HSDL2: variants seen among roughly 807,000 people sequenced by gnomAD.
HSDL2 encodes hydroxysteroid dehydrogenase like 2.
In HSDL2, 27 loss-of-function variants were observed where a neutral mutation model predicts 46.3. That is an observed-to-expected ratio of 0.58 (90% CI 0.43 to 0.80). HSDL2 has a LOEUF of 0.80. Among genes scored for constraint, HSDL2 ranks in the 30% least tolerant of loss-of-function variants. HSDL2 has a pLI of 0.00. For synonymous variants in HSDL2, 153 were observed against 163.6 expected (o/e 0.94, Z 0.50); for missense variants, 451 against 502.7 (o/e 0.90, Z 0.98).
At chr9:112,398,478 T>C (rs557814717) in intron 1 of HSDL2, among the ~76,000 whole-genome samples, 39 of 151,886 alleles carry the variant, frequency 2.6e-4, no homozygotes, top group African/African-American at 9.2e-4. Flanking sequence ...AATAAGATCA[T>C]TGGGGGTGAC....
At chr9:112,396,961 G>A (rs79310612) in intron 1 of HSDL2, among the ~76,000 whole-genome samples, 1,992 of 152,246 alleles carry the variant, frequency 0.013, 72 homozygotes, top group East Asian at 0.1. Flanking sequence ...TGGGGCCTGA[G>A]ACTGGCCCCG....
At chr9:112,420,447 G>T (rs1587944747) in intron 6 of HSDL2, among the ~76,000 whole-genome samples, 1 of 149,074 alleles carries the variant, frequency 6.7e-6, no homozygotes, top group East Asian at 1.9e-4. Flanking sequence ...GAGATTGGAT[G>T]GGAGGATTAC....
At chr9:112,396,414 G>C (rs905022524) in intron 1 of HSDL2, among the ~76,000 whole-genome samples, 1 of 152,078 alleles carries the variant, frequency 6.6e-6, no homozygotes, top group Non-Finnish European at 1.5e-5. Context: ...GGTGCAGGTG[G>C]GCTGTTGTTT....
At chr9:112,380,428 G>A (rs1831057440) in intron 1 of HSDL2, among the ~76,000 whole-genome samples, 2 of 152,108 alleles carry the variant, frequency 1.3e-5, no homozygotes, top group African/African-American at 4.8e-5. Context: ...ACGGGTAAAG[G>A]GCCGAGGGGG....
At chr9:112,384,926 A>G (rs139715771) in intron 1 of HSDL2, among the ~76,000 whole-genome samples, 68 of 152,126 alleles carry the variant, frequency 4.5e-4, no homozygotes, top group Middle Eastern at 3.4e-3. Context: ...CTTACTAAAT[A>G]CAAGCATTGG....
intron 4 of HSDL2, 91 bp downstream of exon 4, chr9:112,409,112 G>C: frequency 1.4e-6 from 1 of 696,988 alleles, no homozygotes; most frequent in Non-Finnish European, 2.5e-6. Context: ...CAAATTAACA[G>C]TGTAGTTCAA....
intron 6 of HSDL2, 137 bp downstream of exon 6, chr9:112,419,095 G>A: frequency 2.3e-5 from 10 of 427,658 alleles, no homozygotes; most frequent in Non-Finnish European, 4.5e-5. Flanking sequence ...TGCAACCTCT[G>A]CCTCCTGGGT....
intron 9 of HSDL2, 32 bp from the exon 10 acceptor site, chr9:112,459,417 T>A (rs767002128): frequency 6.8e-6 from 11 of 1,607,734 alleles, no homozygotes; most frequent in Non-Finnish European, 9.4e-6. Context: ...AGGGCTTCTA[T>A]GACATTGATT....
At chr9:112,455,176 T>C (rs1001968290) in intron 9 of HSDL2, among the ~76,000 whole-genome samples, 3 of 151,946 alleles carry the variant, frequency 2.0e-5, no homozygotes, top group Admixed American at 6.6e-5. Context: ...AAGACTGTAG[T>C]ACACTGCGAT....
rs190883104 is a variant in HSDL2 at position 112,424,486 on chromosome 9, A to T, written c.598+5528A>T. Among the ~76,000 whole-genome samples the T allele has an allele frequency of 8.4e-4, 128 of 152,202 alleles. 1 individual carries two copies. Among genetic ancestry groups the T allele is most frequent in the South Asian group, 4.6e-3 (22 of 4,824 alleles). On this transcript the variant is annotated intron_variant, in intron 6 of 10. Coordinates refer to ENST00000398805, the MANE Select transcript of HSDL2 (RefSeq NM_032303.5). ...TGCAGGTAATAATATAATCTATAAT[A>T]ATATTCCAATTCTTACATCCTTGGT...
chr9:112,414,262 G>A (rs1419073836), intron 4 of HSDL2, among the ~76,000 whole-genome samples: 1 of 152,166 alleles, frequency 6.6e-6, no homozygotes, highest in Non-Finnish European at 1.5e-5. Context: ...ATTAGACAGG[G>A]AGGAAAGTCT....
At chr9:112,457,775 T>G (rs1298251517) in intron 9 of HSDL2, among the ~76,000 whole-genome samples, 1 of 152,190 alleles carries the variant, frequency 6.6e-6, no homozygotes, top group Non-Finnish European at 1.5e-5. Flanking sequence ...TCATATGCAG[T>G]TACCTAGTCT....
intron 6 of HSDL2, among the ~76,000 whole-genome samples, chr9:112,436,960 C>CT (rs780957603): frequency 0.026 from 3,328 of 126,656 alleles, 166 homozygotes; most frequent in African/African-American, 0.079. Context: ...TTCTTTTTTT[C>CT]TTTTTTTTTT....
chr9:112,416,431 TAAAA>T (rs753094935), intron 4 of HSDL2, among the ~76,000 whole-genome samples: 4 of 138,644 alleles, frequency 2.9e-5, no homozygotes, highest in African/African-American at 5.5e-5. Flanking sequence ...GTCTTAAAAT[TAAAA>T]AAAAAAACAA....
intron 8 of HSDL2, among the ~76,000 whole-genome samples, chr9:112,450,798 G>T (rs1326883789): frequency 6.6e-6 from 1 of 151,834 alleles, no homozygotes; most frequent in Non-Finnish European, 1.5e-5. Flanking sequence ...GGTTCATATT[G>T]TTTTTTATTT....
At chr9:112,383,190 T>C (rs1008905039) in intron 1 of HSDL2, among the ~76,000 whole-genome samples, 5 of 151,956 alleles carry the variant, frequency 3.3e-5, no homozygotes, top group Non-Finnish European at 5.9e-5. Flanking sequence ...TCTCCTGCCT[T>C]AGCCTCACAA....
At chr9:112,460,220 T>C (rs1833161968) in intron 10 of HSDL2, among the ~76,000 whole-genome samples, 1 of 152,210 alleles carries the variant, frequency 6.6e-6, no homozygotes, top group Non-Finnish European at 1.5e-5. Context: ...CATCCTGATC[T>C]AAAGAGTCTT....
chr9:112,429,962 C>A (rs1008483076), intron 6 of HSDL2, among the ~76,000 whole-genome samples: 1 of 151,870 alleles, frequency 6.6e-6, no homozygotes, highest in African/African-American at 2.4e-5. Flanking sequence ...GTGCGCCTGT[C>A]GTCCCAACTA....
intron 10 of HSDL2, among the ~76,000 whole-genome samples, chr9:112,460,909 T>C (rs1833189661): frequency 6.6e-6 from 1 of 152,172 alleles, no homozygotes; most frequent in African/African-American, 2.4e-5. Flanking sequence ...ATGGTTTGCA[T>C]AATTTGGTTT....
Sources: allele counts gnomAD v4.1 joint callset (sites outside exome capture counted in the v4.1 genomes callset), GRCh38; gene constraint gnomAD v4.1.1; transcripts MANE v1.5; gene names NCBI Gene and HGNC (gene_info 2026-07-23, HGNC 2026-07-21).